The following RAD54L2 variants were observed in gnomAD, a reference collection of about 807,000 sequenced individuals.
RAD54L2 encodes RAD54 like 2, also known as helicase ARIP4.
Under a neutral mutation model 138.4 loss-of-function variants are expected in RAD54L2, and 27 were observed. The observed-to-expected ratio is 0.20, with a 90% confidence interval of 0.14 to 0.27. The LOEUF is 0.27. RAD54L2 is among the 10% of genes least tolerant of loss of function. The pLI is 1.00. For synonymous variants in RAD54L2, 644 were observed against 723.2 expected, an observed-to-expected ratio of 0.89 and a Z score of 1.76; for missense variants, 1,396 against 1,890.2, an observed-to-expected ratio of 0.74 and a Z score of 4.85.
intron 19 of RAD54L2, 33 bp from the exon 20 acceptor site, chr3:51,655,938 A>G (rs1425639420): frequency 1.3e-6 from 2 of 1,553,018 alleles, no homozygotes; most frequent in African/African-American, 1.4e-5. Flanking sequence ...TGTTCTGCCA[A>G]ACTCTTTTAG....
intron 3 of RAD54L2, among the ~76,000 whole-genome samples, chr3:51,623,974 G>A (rs1367570004): frequency 5.7e-5 from 5 of 88,308 alleles, no homozygotes; most frequent in African/African-American, 9.7e-5. Context: ...GCGAGACTCC[G>A]TCTCACAAAA....
At chr3:51,565,417 ATG>A (rs371630704) in intron 2 of RAD54L2, among the ~76,000 whole-genome samples, 3 of 151,784 alleles carry the variant, frequency 2.0e-5, no homozygotes, top group East Asian at 1.9e-4. Context: ...AAAAATATAT[ATG>A]TGTGTGTGTG....
chr3:51,557,555 T>A (rs1320782530), intron 2 of RAD54L2, among the ~76,000 whole-genome samples: 2 of 151,838 alleles, frequency 1.3e-5, no homozygotes, highest in African/African-American at 2.4e-5. Flanking sequence ...ATTCTTATGT[T>A]CTTATTAATT....
chr3:51,555,714 A>G (rs1698945808), intron 2 of RAD54L2, among the ~76,000 whole-genome samples: 1 of 152,192 alleles, frequency 6.6e-6, no homozygotes, highest in South Asian at 2.1e-4. Flanking sequence ...GCCTTGGGCC[A>G]TGGTCGTTCA....
At chr3:51,614,280 G>A (rs112782529) in intron 3 of RAD54L2, among the ~76,000 whole-genome samples, 2,602 of 151,878 alleles carry the variant, frequency 0.017, 43 homozygotes, top group Middle Eastern at 0.065. Context: ...TCTCATGTTA[G>A]CCTTCCAAGT....
At chr3:51,597,144 G>A (rs1249913313) in intron 3 of RAD54L2, among the ~76,000 whole-genome samples, 1 of 116,266 alleles carries the variant, frequency 8.6e-6, no homozygotes, top group Admixed American at 1.2e-4. Flanking sequence ...CAGCCTGGGG[G>A]ACAAGAGCAA....
At chr3:51,594,648 C>A (rs368900623) in intron 3 of RAD54L2, among the ~76,000 whole-genome samples, 1 of 151,830 alleles carries the variant, frequency 6.6e-6, no homozygotes. Context: ...TATTGTTGAG[C>A]AGAGGTGGAA....
At chr3:51,608,952 G>A (rs1261004489) in intron 3 of RAD54L2, among the ~76,000 whole-genome samples, 1 of 152,126 alleles carries the variant, frequency 6.6e-6, no homozygotes, top group African/African-American at 2.4e-5. Context: ...GTGCAGTGGT[G>A]TGATCTCAGC....
intron 3 of RAD54L2, among the ~76,000 whole-genome samples, chr3:51,603,435 G>T (rs550928705): frequency 3.9e-5 from 6 of 151,998 alleles, no homozygotes; most frequent in Non-Finnish European, 5.9e-5. Flanking sequence ...GTGAAACCCC[G>T]CCTCTACTAA....
At chr3:51,657,914 G>GTTT (rs1701647071) in intron 21 of RAD54L2, among the ~76,000 whole-genome samples, 2 of 125,730 alleles carry the variant, frequency 1.6e-5, no homozygotes, top group African/African-American at 6.0e-5. Context: ...CTATCTTGCT[G>GTTT]TCTTTTTTTT....
intron 6 of RAD54L2, 106 bp downstream of exon 6, chr3:51,630,494 G>T: frequency 1.1e-5 from 13 of 1,137,562 alleles, no homozygotes; most frequent in Non-Finnish European, 1.7e-5. Flanking sequence ...TTGGGATGTG[G>T]CTTTGACTAA....
At chr3:51,632,119 A>C (rs937538149) in intron 7 of RAD54L2, among the ~76,000 whole-genome samples, 1 of 151,810 alleles carries the variant, frequency 6.6e-6, no homozygotes, top group African/African-American at 2.4e-5. Flanking sequence ...TAACATAATG[A>C]CCTCCAGTTC....
chr3:51,549,181 A>G (rs1326351119), intron 2 of RAD54L2, among the ~76,000 whole-genome samples: 1 of 151,792 alleles, frequency 6.6e-6, no homozygotes, highest in Non-Finnish European at 1.5e-5. Context: ...TGTAGTAGAG[A>G]TGGGGTTTTG....
chr3:51,571,078 C>A (rs920719150), intron 2 of RAD54L2, among the ~76,000 whole-genome samples: 1 of 152,198 alleles, frequency 6.6e-6, no homozygotes, highest in Non-Finnish European at 1.5e-5. Context: ...GCCTCAGCCT[C>A]CCGAAGTGTT....
Position 51,656,158 on chromosome 3 carries a change from G to T in RAD54L2, c.3214G>T (p.Val1072Phe), listed in dbSNP as rs552870675. ...TGCAGGAGTCCTTGTGCAGAAGGTG[G>T]TCACCACGACAGGTGGGAACTCCTG... ...QRAGVLVQKV[V>F]TTTDIVIPGL... is the part of the protein sequence containing the mutation. The change falls in exon 20 of 23, where the codon GTC (valine) becomes TTC (phenylalanine). Residue 1072 changes from valine (V) to phenylalanine (F), a missense_variant. By Grantham distance (50) the Val-to-Phe change is conservative. Coordinates refer to ENST00000684192, the MANE Select transcript of RAD54L2 (RefSeq NM_015106.4). 1 of 1,610,002 alleles carries T rather than the reference G, an allele frequency of 6.2e-7. No individual in the cohort carries two copies. The highest frequency in any genetic ancestry group is 1.7e-5 in the Admixed American group (1 of 59,886).
Position 51,634,681 on chromosome 3 carries a change from A to AT in RAD54L2, c.1142+652dup, listed in dbSNP as rs201161770. On this transcript the variant is annotated intron_variant, in intron 9 of 22. Coordinates refer to ENST00000684192, the MANE Select transcript of RAD54L2 (RefSeq NM_015106.4). ...CACCATGCCTGGTCTCTACTGTCTA[A>AT]TTTTTTACTTATTACATTTCACTTT... Among the ~76,000 whole-genome samples, 215 of 152,114 alleles carry AT rather than the reference A, an allele frequency of 1.4e-3. 6 individuals are homozygous for AT. The East Asian group carries it at 0.039, about 28-fold the overall frequency.
chr3:51,637,437 A>G lies in RAD54L2; in HGVS notation c.1616A>G (p.Gln539Arg). ...GGGCAATGTATTGACAGCACACCTC[A>G]GGACGTCCGCCTCATGCGGTACCGG... ...LNGQCIDSTP[Q>R]DVRLMRYRSH... is the part of the protein sequence containing the mutation. Residue 539 changes from glutamine to arginine, a missense_variant, in exon 11 of 23, where the codon CAG (glutamine) becomes CGG (arginine). Gln to Arg is a conservative substitution (Grantham distance 43, BLOSUM62 1). Coordinates refer to ENST00000684192, the MANE Select transcript of RAD54L2 (RefSeq NM_015106.4). This position sits in a 1 kb window ranked among gnomAD's most constrained non-coding sequence, Gnocchi z 5.9. 1 of 1,613,918 alleles carries G rather than the reference A, an allele frequency of 6.2e-7. No individual in the cohort carries two copies. Among genetic ancestry groups the G allele is most frequent in the Non-Finnish European group, 8.5e-7 (1 of 1,179,864 alleles).
At chr3:51,574,091 C>T (rs1037387896) in intron 2 of RAD54L2, among the ~76,000 whole-genome samples, 27 of 148,412 alleles carry the variant, frequency 1.8e-4, no homozygotes, top group African/African-American at 6.2e-4. Flanking sequence ...CGAGAACATG[C>T]GGTGTTTGGT....
At position 51,666,032 on chromosome 3, in the gene RAD54L2, G is replaced by A. The variant is rs1577478615; in HGVS notation, c.*2612G>A. 6.6e-6 allele frequency: 1 copy of A among 152,096 alleles called. No homozygotes were observed. The highest frequency in any genetic ancestry group is 1.5e-5 in the Non-Finnish European group (1 of 68,052). The allele number at this position is 152,096 out of a possible 1,614,324, so 9.4% of individuals were successfully genotyped here. On this transcript the variant is annotated 3_prime_UTR_variant, in exon 23 of 23. Coordinates refer to ENST00000684192, the MANE Select transcript of RAD54L2 (RefSeq NM_015106.4). The stretch of plus-strand genomic sequence containing the variant: ...TCCAGTGTTCCAGGGACTGGGTCTT[G>A]CTTCTACTCAGCAGAGGCCATCATT...
Sources: gnomAD v4.1 joint callset for allele counts (sites outside exome capture counted in the v4.1 genomes callset) on GRCh38, gnomAD v4.1.1 for gene constraint, Gnocchi (gnomAD v3.1) non-coding constraint, MANE v1.5 for transcripts, NCBI Gene and HGNC (gene_info 2026-07-23, HGNC 2026-07-21) for gene names.